Variants in HS3ST5 observed in about 807,000 individuals in gnomAD.
HS3ST5 encodes heparan sulfate-glucosamine 3-sulfotransferase 5, also known as heparan sulfate glucosamine 3-O-sulfotransferase 5.
HS3ST5 carries 10 observed loss-of-function variants against 25.4 expected under a neutral mutation model. The ratio of observed to expected loss-of-function variants is 0.39; its 90% CI spans 0.24 to 0.67. The LOEUF is 0.67. Ranked by LOEUF, HS3ST5 falls within the 30% of genes least tolerant of loss-of-function variation. The probability of loss-of-function intolerance (pLI) is 0.44; values close to 1 mark genes in which losing one functional copy is unlikely to be tolerated. For missense variants in HS3ST5, 324 were observed against 420.7 expected, an observed-to-expected ratio of 0.77 and a Z score of 2.01; for synonymous variants, 170 against 162.4, an observed-to-expected ratio of 1.05 and a Z score of -0.36.
chr6:114,320,924 A>C (rs1187608570), intron 1 of HS3ST5, among the ~76,000 whole-genome samples: 7 of 107,916 alleles, frequency 6.5e-5, no homozygotes, highest in Non-Finnish European at 1.3e-4. Context: ...CTATATATAT[A>C]TATATATACA....
intron 3 of HS3ST5, among the ~76,000 whole-genome samples, chr6:114,138,999 C>A (rs1007504726): frequency 6.6e-6 from 1 of 152,142 alleles, no homozygotes; most frequent in Non-Finnish European, 1.5e-5. Context: ...TGCCCCACCC[C>A]CTAATGTCCT....
intron 1 of HS3ST5, among the ~76,000 whole-genome samples, chr6:114,334,429 A>C (rs2114926894): frequency 6.6e-6 from 1 of 152,340 alleles, no homozygotes; most frequent in Non-Finnish European, 1.5e-5. Context: ...CCATTTGCAT[A>C]AAATGTCAGT....
intron 2 of HS3ST5, among the ~76,000 whole-genome samples, chr6:114,191,473 G>A (rs768091129): frequency 1.3e-5 from 2 of 152,160 alleles, no homozygotes; most frequent in Non-Finnish European, 2.9e-5. Context: ...TAAATGTCAC[G>A]TTAGGGCCAG....
In HS3ST5 at chr6:114,342,462, G is replaced by T. The variant is rs1056489887; in HGVS notation, c.-606C>A. 9 of 184,284 alleles carry T rather than the reference G, an allele frequency of 4.9e-5. No homozygotes were observed. Among genetic ancestry groups the T allele is most frequent in the Non-Finnish European group, 9.7e-5 (9 of 93,236 alleles). 11.4% of individuals were successfully genotyped at this position (184,284 alleles called of 1,614,324 possible). On this transcript the variant is annotated 5_prime_UTR_variant, in exon 1 of 5. Transcript: ENST00000312719. ...GCGGCGGCGGCGAGGTCTGAGGCGG[G>T]GAGCCGGGCGGGGGGGCAGGCGGGC...
chr6:114,156,662 T>G (rs955998912), intron 3 of HS3ST5, among the ~76,000 whole-genome samples: 5 of 152,154 alleles, frequency 3.3e-5, no homozygotes, highest in Admixed American at 2.6e-4. Context: ...GTGTTAACAC[T>G]TCTCGATATC....
intron 3 of HS3ST5, among the ~76,000 whole-genome samples, chr6:114,159,793 T>G (rs9488337): frequency 6.6e-6 from 1 of 152,166 alleles, no homozygotes; most frequent in East Asian, 1.9e-4. Flanking sequence ...TGGGAAAAAT[T>G]TGTGAAATGC....
At chr6:114,327,307 T>C (rs1004546084) in intron 1 of HS3ST5, among the ~76,000 whole-genome samples, 1 of 152,224 alleles carries the variant, frequency 6.6e-6, no homozygotes, top group African/African-American at 2.4e-5. Flanking sequence ...GCTTTCACTA[T>C]GCATCTTCCT....
At chr6:114,099,840 G>T (rs576087883) in intron 3 of HS3ST5, among the ~76,000 whole-genome samples, 1 of 152,146 alleles carries the variant, frequency 6.6e-6, no homozygotes, top group Non-Finnish European at 1.5e-5. Context: ...AATCCCCACA[G>T]ATATGACCCA....
chr6:114,142,527 G>A (rs1777960663), intron 3 of HS3ST5, among the ~76,000 whole-genome samples: 1 of 152,158 alleles, frequency 6.6e-6, no homozygotes, highest in Non-Finnish European at 1.5e-5. Context: ...GATAACACAA[G>A]CCTTGTGAGC....
At chr6:114,151,117 G>A (rs1008352815) in intron 3 of HS3ST5, among the ~76,000 whole-genome samples, 4 of 152,208 alleles carry the variant, frequency 2.6e-5, no homozygotes, top group Non-Finnish European at 4.4e-5. Flanking sequence ...TGTTGATGCT[G>A]AGGCAAAGGA....
At chr6:114,268,100 T>G (rs1773486192) in intron 1 of HS3ST5, among the ~76,000 whole-genome samples, 1 of 152,156 alleles carries the variant, frequency 6.6e-6, no homozygotes, top group Non-Finnish European at 1.5e-5. Context: ...GGGACTTCCC[T>G]CCTCTGGTTC....
At chr6:114,189,161 T>C (rs1441571299) in intron 2 of HS3ST5, among the ~76,000 whole-genome samples, 2 of 152,150 alleles carry the variant, frequency 1.3e-5, no homozygotes, top group African/African-American at 4.8e-5. Flanking sequence ...GTCTACCTTC[T>C]GAAATGATCA....
At chr6:114,276,807 G>A (rs1379289297) in intron 1 of HS3ST5, among the ~76,000 whole-genome samples, 2 of 151,890 alleles carry the variant, frequency 1.3e-5, no homozygotes, top group Non-Finnish European at 2.9e-5. Context: ...ATATGCATTT[G>A]TTCCTTTTTT....
chr6:114,256,244 T>C lies in HS3ST5; in HGVS notation c.-338-27466A>G, dbSNP rs190967904. On this transcript the variant is annotated intron_variant, in intron 1 of 4. Transcript: ENST00000312719. ...TCTACTAAAAACACAAAAAATTAGC[T>C]GGGCGTGGTGGTGGGCGCCTGTAGT... 5.7e-3 allele frequency among the ~76,000 whole-genome samples: 863 copies of C among 151,880 alleles called. 5 individuals carry two copies. The highest frequency in any genetic ancestry group is 0.019 in the East Asian group (98 of 5,146).
intron 1 of HS3ST5, among the ~76,000 whole-genome samples, chr6:114,278,989 G>A (rs112479442): frequency 1.3e-5 from 2 of 152,110 alleles, no homozygotes; most frequent in African/African-American, 4.8e-5. Context: ...CTACTTTACT[G>A]CATCAATTCC....
At chr6:114,205,970 C>T (rs939369596) in intron 2 of HS3ST5, among the ~76,000 whole-genome samples, 3 of 152,144 alleles carry the variant, frequency 2.0e-5, no homozygotes, top group Admixed American at 2.0e-4. Context: ...TTGTAACAGG[C>T]TATGGACCAG....
intron 2 of HS3ST5, among the ~76,000 whole-genome samples, chr6:114,200,450 A>G (rs1369880454): frequency 6.6e-6 from 1 of 152,210 alleles, no homozygotes; most frequent in African/African-American, 2.4e-5. Context: ...GAAAAATCTT[A>G]GTGGATATCA....
chr6:114,058,112 C>T lies in HS3ST5; in HGVS notation c.186G>A (p.Gln62=). The change falls in exon 5 of 5, where the codon CAG becomes CAA. Residue 62 remains glutamine, a synonymous_variant. Transcript: ENST00000312719. ...TQAEFPLRAL[Q]FKRGLLHEFR... is the part of the protein sequence containing the mutation. ...ACTCGTGCAGCAGGCCACGCTTAAA[C>T]TGCAGGGCGCGAAGTGGGAATTCAG... The T allele has an allele frequency of 6.2e-7, 1 of 1,614,112 alleles. No individual in the cohort carries two copies. The highest frequency in any genetic ancestry group is 8.5e-7 in the Non-Finnish European group (1 of 1,179,976).
rs144374782 is a variant in HS3ST5, at chr6:114,081,643, T to G, written c.-32-18766A>C. Among the ~76,000 whole-genome samples the G allele has an allele frequency of 5.4e-3, 827 of 152,352 alleles. 7 individuals carry two copies. Among genetic ancestry groups the G allele is most frequent in the African/African-American group, 0.019 (800 of 41,588 alleles). ...ATAAACTAGTTGCTTGAATAATTTC[T>G]GAGAATGACAACAGTAGAATTAGTA... On this transcript the variant is annotated intron_variant, in intron 3 of 4. Coordinates refer to ENST00000312719, the MANE Select transcript of HS3ST5 (RefSeq NM_153612.4).
Sources: gnomAD v4.1 joint callset for allele counts (sites outside exome capture counted in the v4.1 genomes callset) on GRCh38, gnomAD v4.1.1 for gene constraint, MANE v1.5 for transcripts, NCBI Gene and HGNC (gene_info 2026-07-23, HGNC 2026-07-21) for gene names.